SEC23B: variants seen among roughly 807,000 people sequenced by gnomAD.
The protein encoded by SEC23B is protein transport protein Sec23B.
A neutral mutation model predicts 104.3 loss-of-function variants in SEC23B; 77 were observed. The observed-to-expected ratio is 0.74, with a 90% CI of 0.61 to 0.89. SEC23B has a LOEUF of 0.89. Ranked by LOEUF, SEC23B falls within the 40% of genes least tolerant of loss-of-function variation. SEC23B has a pLI of 0.00. For synonymous variants in SEC23B, 338 were observed against 332.5 expected, an observed-to-expected ratio of 1.02 and a Z score of -0.18; for missense variants, 885 against 949.4, an observed-to-expected ratio of 0.93 and a Z score of 0.89.
rs183493858 is a variant in SEC23B, at chr20:18,515,162, A to G, written c.280-488A>G. ...TGCTTTTAAACATTTAGAAGTTACAATAGCTTAAAACTGCTCTAAAAAATA... is the reference window on the plus strand; with the variant it reads ...TGCTTTTAAACATTTAGAAGTTACAGTAGCTTAAAACTGCTCTAAAAAATA... On this transcript the variant is annotated intron_variant, in intron 3 of 19. Transcript: ENST00000650089. Among the ~76,000 whole-genome samples, 451 of 152,332 alleles carry G rather than the reference A, an allele frequency of 3.0e-3. 3 individuals carry two copies. The highest frequency in any genetic ancestry group is 0.01 in the African/African-American group (425 of 41,576).
chr20:18,547,133 T>G (rs1340876093), intron 15 of SEC23B, among the ~76,000 whole-genome samples: 1 of 151,982 alleles, frequency 6.6e-6, no homozygotes, highest in Non-Finnish European at 1.5e-5. Flanking sequence ...CTCAGATTCC[T>G]TCTGTCAAGG....
At position 18,524,500 on chromosome 20, in the gene SEC23B, A is replaced by G. The variant is rs140466726; in HGVS notation, c.434A>G (p.Gln145Arg). The change falls in exon 5 of 20, where the codon CAA (glutamine) becomes CGA (arginine). Residue 145 changes from glutamine to arginine, a missense_variant. Gln to Arg is a conservative substitution (Grantham distance 43, BLOSUM62 1). Transcript: ENST00000650089. ...ACATGCCTGGAGGAAGATGACCTTC[A>G]AGCACTCAAAGAGTCCCTGCAGATG... ...VDTCLEEDDL[Q>R]ALKESLQMSL... is the part of the protein sequence containing the mutation. 4.5e-5 allele frequency: 73 copies of G among 1,614,030 alleles called. No homozygotes were observed. In the Admixed American group the frequency reaches 7.7e-4, roughly 17 times the overall value.
intron 4 of SEC23B, among the ~76,000 whole-genome samples, chr20:18,520,909 C>T (rs542869443): frequency 1.8e-4 from 28 of 152,066 alleles, no homozygotes; most frequent in African/African-American, 6.8e-4. Context: ...GAGCCTTGGG[C>T]CAGAGTTCCA....
At chr20:18,513,065 T>C (rs2059994948) in intron 3 of SEC23B, among the ~76,000 whole-genome samples, 1 of 152,146 alleles carries the variant, frequency 6.6e-6, no homozygotes, top group Admixed American at 6.5e-5. Flanking sequence ...CCACCTGTAG[T>C]CTTAGCTACT....
At chr20:18,526,017 T>G in intron 7 of SEC23B, 85 bp downstream of exon 7, 1 of 1,456,762 alleles carries the variant, frequency 6.9e-7, no homozygotes. Context: ...GAAAATCACT[T>G]GTGATCTAAG....
intron 9 of SEC23B, among the ~76,000 whole-genome samples, chr20:18,529,688 A>G (rs1014452421): frequency 2.8e-4 from 42 of 152,212 alleles, no homozygotes; most frequent in African/African-American, 9.9e-4. Flanking sequence ...CTCCACATAT[A>G]AAGGACACAG....
intron 4 of SEC23B, among the ~76,000 whole-genome samples, chr20:18,516,546 T>A (rs1254192440): frequency 6.8e-6 from 1 of 147,136 alleles, no homozygotes; most frequent in Admixed American, 6.7e-5. Flanking sequence ...TTTTTTTTTC[T>A]TTTTCTTTTT....
chr20:18,524,466 G>C lies in SEC23B; in HGVS notation c.400G>C (p.Val134Leu), dbSNP rs1393165617. 1 of 1,614,150 alleles carries C rather than the reference G, an allele frequency of 6.2e-7. No homozygotes were observed. Among genetic ancestry groups the C allele is most frequent in the South Asian group, 1.1e-5 (1 of 91,088 alleles). Residue 134 changes from valine (V) to leucine (L), a missense_variant, in exon 5 of 20, where the codon GTG (valine) becomes CTG (leucine). Coordinates refer to ENST00000650089, the MANE Select transcript of SEC23B (RefSeq NM_006363.6). ...GAQSPLIFLY[V>L]VDTCLEEDDL... ...TCAGTCCCCTCTGATCTTTCTCTAT[G>C]TGGTTGACACATGCCTGGAGGAAGA...
At chr20:18,521,371 G>C (rs1268731014) in intron 4 of SEC23B, among the ~76,000 whole-genome samples, 1 of 152,148 alleles carries the variant, frequency 6.6e-6, no homozygotes, top group African/African-American at 2.4e-5. Flanking sequence ...CCTTCCTCTG[G>C]GGTCTAGGAC....
At chr20:18,513,869 C>G (rs1440860083) in intron 3 of SEC23B, among the ~76,000 whole-genome samples, 1 of 152,164 alleles carries the variant, frequency 6.6e-6, no homozygotes, top group Non-Finnish European at 1.5e-5. Flanking sequence ...GGGTTTGGCT[C>G]TCAGATCTAC....
At chr20:18,546,814 G>A (rs1477311743) in intron 15 of SEC23B, among the ~76,000 whole-genome samples, 2 of 152,128 alleles carry the variant, frequency 1.3e-5, no homozygotes, top group Admixed American at 1.3e-4. Flanking sequence ...GGCTCCGCAG[G>A]GGCTGACCTT....
chr20:18,558,043 G>A (rs186235370), intron 19 of SEC23B, among the ~76,000 whole-genome samples: 97 of 152,250 alleles, frequency 6.4e-4, no homozygotes, highest in Admixed American at 4.7e-3. Context: ...GAGCCACCGC[G>A]CCTGGCCTAC....
At chr20:18,550,608 A>G (rs777309545) in intron 16 of SEC23B, among the ~76,000 whole-genome samples, 24 of 152,208 alleles carry the variant, frequency 1.6e-4, no homozygotes, top group Non-Finnish European at 3.5e-4. Context: ...TTTTCGTTCC[A>G]AGATCAAAAG....
intron 8 of SEC23B, 106 bp from the exon 9 acceptor site, chr20:18,527,387 AAAG>A: frequency 1.3e-6 from 1 of 790,294 alleles, no homozygotes; most frequent in South Asian, 1.4e-5. Context: ...CAAAAAGAGA[AAAG>A]AAAATGATTT....
Position 18,525,012 on chromosome 20 carries a change from T to A in SEC23B, c.681T>A (p.Ala227=). ...RPAQPQEHPF[A]SSRFLQPVHK... ...CACAACCACAGGAGCACCCTTTTGC[T>A]TCAAGCAGGTGAGAGCCCAACATGG... is the stretch of plus-strand genomic sequence containing the variant. Residue 227 remains alanine (A), a synonymous_variant, in exon 6 of 20, where the codon GCT becomes GCA. Transcript: ENST00000650089. 6.2e-7 allele frequency: 1 copy of A among 1,614,146 alleles called. No individual in the cohort carries two copies. Among genetic ancestry groups the A allele is most frequent in the Non-Finnish European group, 8.5e-7 (1 of 1,180,018 alleles).
In SEC23B at chr20:18,515,711, T is replaced by G; in HGVS notation, c.341T>G (p.Phe114Cys). The part of the protein sequence containing the change: ...VNQPAELMPQ[F>C]STIEYVIQRG... ...CAACCTGCCGAATTGATGCCCCAGT[T>G]TTCTACAATTGAGTACGTGATACAG... Residue 114 changes from phenylalanine (F) to cysteine (C), a missense_variant, in exon 4 of 20, where the codon TTT becomes TGT. By Grantham distance (205) the Phe-to-Cys change is radical. Coordinates refer to ENST00000650089, the MANE Select transcript of SEC23B (RefSeq NM_006363.6). 1 of 1,607,094 alleles carries G rather than the reference T, an allele frequency of 6.2e-7. No individual in the cohort carries two copies. Among genetic ancestry groups the G allele is most frequent in the Non-Finnish European group, 8.5e-7 (1 of 1,173,504 alleles).
At chr20:18,509,307 ATAT>A (rs1324973347) in intron 1 of SEC23B, among the ~76,000 whole-genome samples, 11 of 152,326 alleles carry the variant, frequency 7.2e-5, no homozygotes, top group African/African-American at 2.6e-4. Context: ...TAGCCATGCA[ATAT>A]TATTGCCTTA....
intron 12 of SEC23B, among the ~76,000 whole-genome samples, chr20:18,538,486 C>G (rs917773386): frequency 2.6e-5 from 4 of 151,956 alleles, no homozygotes; most frequent in Admixed American, 6.6e-5. Context: ...ATCTCCTGAC[C>G]TCGTGATCCG....
intron 12 of SEC23B, among the ~76,000 whole-genome samples, chr20:18,540,788 C>T (rs536319744): frequency 1.2e-4 from 18 of 152,156 alleles, no homozygotes; most frequent in East Asian, 3.9e-4. Context: ...CCTGGGAAGC[C>T]GAGGTTGCAG....
Sources: allele counts gnomAD v4.1 joint callset (sites outside exome capture counted in the v4.1 genomes callset), GRCh38; gene constraint gnomAD v4.1.1; transcripts MANE v1.5; gene names NCBI Gene and HGNC (gene_info 2026-07-23, HGNC 2026-07-21).